Variants in MCM5 observed in about 807,000 individuals in gnomAD.
The protein encoded by MCM5 is minichromosome maintenance complex component 5, also known as DNA replication licensing factor MCM5.
MCM5 carries 46 observed loss-of-function variants against 79.9 expected under a neutral mutation model. That is an observed-to-expected ratio of 0.58 (90% CI 0.45 to 0.74). MCM5 has a LOEUF of 0.74. MCM5 is among the 30% of genes least tolerant of loss of function. The pLI, the probability that MCM5 is intolerant of heterozygous loss-of-function variation, is 0.00. For synonymous variants in MCM5, 404 were observed against 390.5 expected (o/e 1.03, Z -0.41); for missense variants, 883 against 1,017.0 (o/e 0.87, Z 1.79).
the MCM5 span, among the ~76,000 whole-genome samples, chr22:35,444,956 C>T: frequency 1.8e-4 from 27 of 152,370 alleles, no homozygotes; most frequent in South Asian, 1.7e-3. Flanking sequence ...GCCCAGTGAA[C>T]GCACTCACCT....
In MCM5 at chr22:35,425,174, A is replaced by G. The variant is rs986602581; in HGVS notation, c.*919A>G. 42 of 152,194 alleles carry G rather than the reference A, an allele frequency of 2.8e-4. No individual in the cohort carries two copies. The highest frequency in any genetic ancestry group is 7.7e-4 in the African/African-American group (32 of 41,448). 9.4% of individuals were successfully genotyped at this position (152,194 alleles called of 1,614,324 possible). A position where few individuals can be genotyped will look rare whatever the true frequency, so the allele number is the denominator to read the frequency against. On this transcript the variant is annotated 3_prime_UTR_variant, in exon 17 of 17. Transcript: ENST00000216122. ...GCCAAGTGCCTCGGTCACTTTGCCT[A>G]ATTTCAGAAAGTCACTCTGAGTTGG...
chr22:35,446,842 G>T, the MCM5 span, among the ~76,000 whole-genome samples: 1 of 152,236 alleles, frequency 6.6e-6, no homozygotes, highest in East Asian at 1.9e-4. Context: ...TGAATGGGGG[G>T]GTTTGTTCTA....
chr22:35,415,710 C>A, intron 9 of MCM5, 119 bp from the exon 10 acceptor site: 1 of 1,155,308 alleles, frequency 8.7e-7, no homozygotes, highest in Non-Finnish European at 1.2e-6. Context: ...TATTCTGTAC[C>A]CTGCAGCCAG....
chr22:35,403,338 G>C lies in MCM5; in HGVS notation c.294+5G>C. 6 of 1,614,188 alleles carry C rather than the reference G, an allele frequency of 3.7e-6. No homozygotes were observed. Among genetic ancestry groups the C allele is most frequent in the Non-Finnish European group, 5.1e-6 (6 of 1,180,036 alleles). ...CCAGCCGAGCACCTGCAGCTGGTGA[G>C]TGGGACCCCATCCCTGAGCTTCCCA... On this transcript the variant is annotated splice_donor_5th_base_variant and intron_variant, in intron 3 of 16. Transcript: ENST00000216122.
Position 35,418,686 on chromosome 22 carries a change from TACACACAC to T in MCM5, c.1703+847_1703+854del, listed in dbSNP as rs34663823. Among the ~76,000 whole-genome samples the T allele has an allele frequency of 9.4e-4, 141 of 149,308 alleles. 2 individuals are homozygous for T. In the Middle Eastern group the frequency reaches 0.021, roughly 22 times the overall value. ...AAAAAAAAAAATATATATATATGTGTACACACACACACACACACACACACTCACTCTTA... is the reference window on the plus strand; with the variant it reads ...AAAAAAAAAAATATATATATATGTGTACACACACACACACACTCACTCTTA... On this transcript the variant is annotated intron_variant, in intron 13 of 16. Transcript: ENST00000216122.
the MCM5 span, among the ~76,000 whole-genome samples, chr22:35,444,767 G>A: frequency 4.6e-5 from 7 of 152,298 alleles, no homozygotes; most frequent in African/African-American, 1.4e-4. Flanking sequence ...TAATTCCACT[G>A]CTTTGGGAGG....
intron 15 of MCM5, chr22:35,422,671 C>T (rs1037436335): frequency 1.3e-5 from 2 of 152,128 alleles, no homozygotes; most frequent in African/African-American, 4.8e-5. Flanking sequence ...TCACAGACTC[C>T]CCTCTCAATG....
At chr22:35,438,914 C>A in the MCM5 span, among the ~76,000 whole-genome samples, 1 of 143,676 alleles carries the variant, frequency 7.0e-6, no homozygotes, top group South Asian at 2.4e-4. Context: ...CATCCACTCA[C>A]ATATTCATCC....
the MCM5 span, among the ~76,000 whole-genome samples, chr22:35,453,584 C>G: frequency 0.2 from 28,953 of 148,250 alleles, 3,221 homozygotes; most frequent in African/African-American, 0.31. Flanking sequence ...ATCAGAGAGA[C>G]AGACAGAGAT....
At chr22:35,420,816 G>A (rs763801988) in intron 14 of MCM5, among the ~76,000 whole-genome samples, 5 of 152,142 alleles carry the variant, frequency 3.3e-5, no homozygotes, top group Admixed American at 6.5e-5. Flanking sequence ...TTAGTGGATC[G>A]CTGTGTGCCA....
chr22:35,412,366 G>A (rs2145792192), intron 7 of MCM5, 144 bp from the exon 8 acceptor site: 2 of 570,538 alleles, frequency 3.5e-6, no homozygotes, highest in South Asian at 8.9e-5. Context: ...TGGGATCTCT[G>A]TTTACTCAGA....
chr22:35,408,343 T>G (rs545419523), intron 5 of MCM5, 65 bp from the exon 6 acceptor site: 17 of 1,502,110 alleles, frequency 1.1e-5, no homozygotes, highest in African/African-American at 9.6e-5. Context: ...GCTCCTGGGA[T>G]GAATGAGCCC....
intron 11 of MCM5, 35 bp downstream of exon 11, chr22:35,416,439 C>T (rs1297475976): frequency 6.2e-7 from 1 of 1,605,650 alleles, no homozygotes; most frequent in South Asian, 1.1e-5. Flanking sequence ...CAGCCTGCAG[C>T]AGCCCAGCGT....
chr22:35,438,583 C>G, the MCM5 span, among the ~76,000 whole-genome samples: 10 of 145,706 alleles, frequency 6.9e-5, no homozygotes, highest in South Asian at 2.3e-4. Context: ...ATCCATCCAT[C>G]CATCCATCCA....
At chr22:35,451,350 G>A in the MCM5 span, among the ~76,000 whole-genome samples, 1 of 152,278 alleles carries the variant, frequency 6.6e-6, no homozygotes, top group Admixed American at 6.5e-5. Context: ...GGGTCTCAGT[G>A]TGGGGAGATT....
intron 4 of MCM5, 106 bp from the exon 5 acceptor site, chr22:35,406,447 C>G: frequency 9.5e-7 from 1 of 1,048,318 alleles, no homozygotes; most frequent in Admixed American, 2.1e-5. Context: ...CTCCCTGCAG[C>G]TCTGTGCCCA....
the MCM5 span, among the ~76,000 whole-genome samples, chr22:35,434,325 G>C: frequency 6.6e-6 from 1 of 151,866 alleles, no homozygotes; most frequent in Non-Finnish European, 1.5e-5. Context: ...ACTGAACCCT[G>C]ATGATACATC....
rs777835375 is a variant in MCM5, at chr22:35,423,283, G to T, written c.2045G>T (p.Arg682Leu). 1 of 1,608,658 alleles carries T rather than the reference G, an allele frequency of 6.2e-7. No individual in the cohort carries two copies. Among genetic ancestry groups the T allele is most frequent in the African/African-American group, 1.3e-5 (1 of 74,776 alleles). Reference protein sequence around the residue: ...LSRIEKQLKRRFAIGSQVSEH... With the variant: ...LSRIEKQLKRLFAIGSQVSEH... The stretch of plus-strand genomic sequence containing the variant: ...CGCATCGAGAAGCAGCTCAAGCGCC[G>T]CTTTGCCATTGGCTCCCAGGTGTCT... Residue 682 changes from arginine to leucine, a missense_variant, in exon 16 of 17, where the codon CGC (arginine) becomes CTC (leucine). Physicochemically the swap from Arg to Leu is moderately radical, Grantham distance 102. This residue lies in a region of MCM5 where 426 missense variants were observed against 482.3 expected (regional missense o/e 0.88). Transcript: ENST00000216122.
At chr22:35,418,792 C>A (rs760660195) in intron 13 of MCM5, among the ~76,000 whole-genome samples, 4 of 152,152 alleles carry the variant, frequency 2.6e-5, no homozygotes, top group Non-Finnish European at 4.4e-5. Context: ...TTATAACCCT[C>A]CCCCAAAACC....
Sources: gnomAD v4.1 joint callset for allele counts (sites outside exome capture counted in the v4.1 genomes callset) on GRCh38, gnomAD v4.1.1 for gene constraint, gnomAD v4.1.1 regional missense constraint, MANE v1.5 for transcripts, NCBI Gene and HGNC (gene_info 2026-07-23, HGNC 2026-07-21) for gene names.